Variants in PHKA2 observed in about 807,000 individuals in gnomAD.
PHKA2 encodes phosphorylase b kinase regulatory subunit alpha, liver isoform.
PHKA2 carries 31 observed loss-of-function variants against 102.0 expected under a neutral mutation model. The observed-to-expected ratio is 0.30, with a 90% CI of 0.23 to 0.41. The LOEUF (loss-of-function observed/expected upper bound fraction) is 0.41, where lower values mean the gene tolerates loss of function less well. Ranked by LOEUF, PHKA2 falls within the 10% of genes least tolerant of loss-of-function variation. The pLI, the probability that PHKA2 is intolerant of heterozygous loss-of-function variation, is 1.00. For synonymous variants in PHKA2, 455 were observed against 416.2 expected, an observed-to-expected ratio of 1.09 and a Z score of -1.13; for missense variants, 858 against 1,023.1, an observed-to-expected ratio of 0.84 and a Z score of 2.20.
intron 3 of PHKA2, 51 bp from the exon 4 acceptor site, chrX:18,951,323 G>A (rs945255513): frequency 1.1e-5 from 13 of 1,147,221 alleles, no homozygotes; most frequent in Admixed American, 2.2e-5. Flanking sequence ...TTCATGGCTG[G>A]CAGAGATCAC....
In PHKA2 at chrX:18,901,524, C is replaced by T; in HGVS notation, c.2988G>A (p.Glu996=). ...EVGHTGVTKT[E]RSGINRLRSE... ...TCCTCAGTCTGTTAATGCCACTCCTCTCAGTTTTGGTGACTCCGGTATGGC... is the reference window on the plus strand; with the variant it reads ...TCCTCAGTCTGTTAATGCCACTCCTTTCAGTTTTGGTGACTCCGGTATGGC... The change falls in exon 27 of 33, where the codon GAG becomes GAA. Residue 996 remains glutamate, a synonymous_variant. Coordinates refer to ENST00000379942, the MANE Select transcript of PHKA2 (RefSeq NM_000292.3). 5 of 1,206,047 alleles carry T rather than the reference C, an allele frequency of 4.1e-6. No individual in the cohort carries two copies. Among genetic ancestry groups the T allele is most frequent in the South Asian group, 1.8e-5 (1 of 56,821 alleles).
intron 1 of PHKA2, among the ~76,000 whole-genome samples, chrX:18,978,438 G>T (rs2049122031): frequency 1.8e-5 from 2 of 111,785 alleles, no homozygotes; most frequent in Admixed American, 1.9e-4. Context: ...CAGAGGCCTG[G>T]CGCGGTGGCT....
rs2047669526 is a variant in PHKA2 at position 18,900,940 on chromosome X, T to TA, written c.3028-242dup. On this transcript the variant is annotated intron_variant, in intron 27 of 32. Transcript: ENST00000379942. ...CCCAGCATGGATCCTGGGCAAGGCC[T>TA]AGCACAGCACCCAGCACGTTAAGAC... Among the ~76,000 whole-genome samples, 6 of 110,224 alleles carry TA rather than the reference T, an allele frequency of 5.4e-5. No homozygotes were observed. The South Asian group carries it at 2.4e-3, about 44-fold the overall frequency.
At chrX:18,944,085 G>C (rs1358459317) in intron 6 of PHKA2, among the ~76,000 whole-genome samples, 2 of 110,833 alleles carry the variant, frequency 1.8e-5, no homozygotes, top group Non-Finnish European at 3.8e-5. Flanking sequence ...AAAGTGCTGG[G>C]ATCACAGGCG....
Position 18,980,018 on chromosome X carries a change from T to G in PHKA2, c.78+3837A>C, listed in dbSNP as rs756686985. 3.6e-5 allele frequency among the ~76,000 whole-genome samples: 4 copies of G among 112,287 alleles called. No homozygotes were observed. The South Asian group carries it at 1.5e-3, about 41-fold the overall frequency. On this transcript the variant is annotated intron_variant, in intron 1 of 32. Transcript: ENST00000379942. Reference sequence around the variant, plus strand: ...TTGAGATGTAACTTTAGCCCCAACCTTGAGCTCACAAAAACATGTGTTGTA... The same window carrying G: ...TTGAGATGTAACTTTAGCCCCAACCGTGAGCTCACAAAAACATGTGTTGTA...
chrX:18,919,991 TA>T, intron 18 of PHKA2, 40 bp downstream of exon 18: 2 of 1,064,225 alleles, frequency 1.9e-6, no homozygotes, highest in Non-Finnish European at 2.6e-6. Context: ...AAAGTTTAAA[TA>T]AATTCAGCGA....
In PHKA2 at chrX:18,906,748, G is replaced by A. The variant is rs763917471; in HGVS notation, c.2664C>T (p.Ala888=). 9 of 1,208,590 alleles carry A rather than the reference G, an allele frequency of 7.4e-6. No individual in the cohort carries two copies. In the East Asian group the frequency reaches 1.2e-4, roughly 16 times the overall value. The change falls in exon 24 of 33, where the codon GCC becomes GCT. Residue 888 remains alanine (A), a synonymous_variant. Transcript: ENST00000379942. The part of the protein sequence containing the change: ...YEASGQDISI[A]VLTQEIVVYL... ...ACCAGCCCCAGACCTGCGTGAGGAC[G>A]GCAATGCTGATGTCCTGCCCACTGG...
Position 18,943,736 on chromosome X carries a change from G to A in PHKA2, c.691C>T (p.Leu231=). The A allele has an allele frequency of 2.5e-6, 3 of 1,209,848 alleles. No individual in the cohort carries two copies. Among genetic ancestry groups the A allele is most frequent in the Non-Finnish European group, 3.4e-6 (3 of 893,620 alleles). Residue 231 remains leucine, a synonymous_variant, in exon 7 of 33, where the codon CTG becomes TTG. Coordinates refer to ENST00000379942, the MANE Select transcript of PHKA2 (RefSeq NM_000292.3). ...HGGRKSVIHV[L]PDEVEHCQSI... is the part of the protein sequence containing the mutation. ...TGGCAGTGCTCGACCTCATCTGGCA[G>A]AACATGAATCACTGACTTGCGTCCT...
intron 1 of PHKA2, among the ~76,000 whole-genome samples, chrX:18,967,125 C>T (rs766645320): frequency 7.2e-5 from 8 of 111,299 alleles, no homozygotes; most frequent in Non-Finnish European, 1.3e-4. Flanking sequence ...TGGCAAAGAT[C>T]TTGGGTTTGC....
chrX:18,921,380 C>G (rs1397680724), intron 17 of PHKA2, among the ~76,000 whole-genome samples: 1 of 110,853 alleles, frequency 9.0e-6, no homozygotes, highest in African/African-American at 3.3e-5. Flanking sequence ...GAGCCGAGAT[C>G]GCGCCACTGT....
intron 10 of PHKA2, 119 bp downstream of exon 10, chrX:18,938,508 A>T (rs950340803): frequency 1.8e-5 from 13 of 725,063 alleles, no homozygotes; most frequent in Non-Finnish European, 2.8e-5. Context: ...AAGTTTGCTA[A>T]GTGGGAACAG....
intron 1 of PHKA2, among the ~76,000 whole-genome samples, chrX:18,957,150 G>A (rs950143842): frequency 1.1e-4 from 12 of 112,314 alleles, no homozygotes; most frequent in Middle Eastern, 4.6e-3. Context: ...GTGATTTTCC[G>A]GCCTTGGCCT....
At chrX:18,965,235 T>G (rs935172179) in intron 1 of PHKA2, among the ~76,000 whole-genome samples, 1 of 111,558 alleles carries the variant, frequency 9.0e-6, no homozygotes, top group South Asian at 3.7e-4. Flanking sequence ...CTCTCACTAA[T>G]TCGTGTAGTA....
chrX:18,969,027 T>A (rs981796732), intron 1 of PHKA2, among the ~76,000 whole-genome samples: 1 of 110,689 alleles, frequency 9.0e-6, no homozygotes, highest in African/African-American at 3.3e-5. Context: ...TGAGGCAGAA[T>A]TGCTTGAACC....
rs753496583 is a variant in PHKA2 at position 18,984,093 on chromosome X, C to G, written c.-161G>C. On this transcript the variant is annotated 5_prime_UTR_variant, in exon 1 of 33. Transcript: ENST00000379942. The stretch of plus-strand genomic sequence containing the variant: ...AGGTCGAGACTTTTCTAAACGCTAG[C>G]CCCAAAGTCCGGTTGGAAAGCAAGC... 4.6e-5 allele frequency: 22 copies of G among 481,294 alleles called. 1 individual carries two copies. The South Asian group carries it at 6.3e-4, about 14-fold the overall frequency. 39.7% of individuals were successfully genotyped at this position (481,294 alleles called of 1,213,427 possible).
intron 1 of PHKA2, among the ~76,000 whole-genome samples, chrX:18,964,492 C>A (rs776539216): frequency 8.9e-6 from 1 of 112,344 alleles, no homozygotes; most frequent in Non-Finnish European, 1.9e-5. Flanking sequence ...GCACAAGAGA[C>A]CAGGATAAAT....
At chrX:18,895,416 A>C (rs2047526966) in intron 30 of PHKA2, 2 of 444,602 alleles carry the variant, frequency 4.5e-6, no homozygotes, top group Non-Finnish European at 8.0e-6. Flanking sequence ...CATCTTTCAG[A>C]TCTCCCCCGA....
At chrX:18,936,302 G>A (rs772167415) in intron 10 of PHKA2, 152 bp from the exon 11 acceptor site, 31 of 483,817 alleles carry the variant, frequency 6.4e-5, no homozygotes, top group Non-Finnish European at 1.1e-4. Flanking sequence ...CTCCAGGAGT[G>A]CAGGAGGCAC....
intron 1 of PHKA2, among the ~76,000 whole-genome samples, chrX:18,956,689 A>G (rs895869787): frequency 8.9e-6 from 1 of 112,577 alleles, no homozygotes; most frequent in Non-Finnish European, 1.9e-5. Flanking sequence ...TCTCATATTC[A>G]GAACCATACA....
Sources: gnomAD v4.1 joint callset for allele counts (sites outside exome capture counted in the v4.1 genomes callset) on GRCh38, gnomAD v4.1.1 for gene constraint, MANE v1.5 for transcripts, NCBI Gene and HGNC (gene_info 2026-07-23, HGNC 2026-07-21) for gene names.